The following ITSN2 variants were observed in gnomAD, a reference collection of about 807,000 sequenced individuals.
ITSN2 encodes intersectin 2.
Under a neutral mutation model 243.7 loss-of-function variants are expected in ITSN2, and 156 were observed. The ratio of observed to expected loss-of-function variants is 0.64; its 90% confidence interval spans 0.56 to 0.73. ITSN2 has a LOEUF of 0.73. ITSN2 is among the 30% of genes least tolerant of loss of function. ITSN2 has a pLI of 0.00. For synonymous variants in ITSN2, 703 were observed against 699.9 expected, an observed-to-expected ratio of 1.00 and a Z score of -0.07; for missense variants, 1,801 against 1,996.1, an observed-to-expected ratio of 0.90 and a Z score of 1.86.
At chr2:24,279,724 T>A (rs1678509761) in intron 17 of ITSN2, among the ~76,000 whole-genome samples, 1 of 148,948 alleles carries the variant, frequency 6.7e-6, no homozygotes, top group African/African-American at 2.5e-5. Context: ...TGTGTGAATT[T>A]TCTTTTTTTT....
intron 2 of ITSN2, among the ~76,000 whole-genome samples, chr2:24,315,610 G>C (rs1683813964): frequency 6.6e-6 from 1 of 152,196 alleles, no homozygotes. Context: ...GTCCCCACCA[G>C]AACCTCATTT....
chr2:24,295,384 G>A (rs1413523038), intron 14 of ITSN2, among the ~76,000 whole-genome samples: 1 of 152,214 alleles, frequency 6.6e-6, no homozygotes, highest in Non-Finnish European at 1.5e-5. Flanking sequence ...TGGGTTCACT[G>A]CAACCTCTGC....
chr2:24,237,127 A>C (rs1265457956), intron 29 of ITSN2, among the ~76,000 whole-genome samples: 1 of 152,142 alleles, frequency 6.6e-6, no homozygotes, highest in Non-Finnish European at 1.5e-5. Flanking sequence ...TCTACCGCTT[A>C]CTAGCAGGTT....
In ITSN2 at chr2:24,310,376, C is replaced by G. The variant is rs1037001179; in HGVS notation, c.561G>C (p.Leu187Phe). ...PLPIPYSSST[L>F]PHGSSYSLMM... is the part of the protein sequence containing the mutation. ...TCAGACTATAAGATGACCCATGAGG[C>G]AATGCTAAAAAAGAAAAAGAAGGAA... The change falls in exon 7 of 40, where the codon TTG (leucine) becomes TTC (phenylalanine). Residue 187 changes from leucine (L) to phenylalanine (F), a missense_variant. This residue lies in a region of ITSN2 where 787 missense variants were observed against 803.9 expected (regional missense o/e 0.98). Transcript: ENST00000355123. 3 of 1,612,548 alleles carry G rather than the reference C, an allele frequency of 1.9e-6. No individual in the cohort carries two copies. The highest frequency in any genetic ancestry group is 2.5e-6 in the Non-Finnish European group (3 of 1,179,426).
At position 24,208,260 on chromosome 2, in the gene ITSN2, T is replaced by C. The variant is rs1362258968; in HGVS notation, c.4655A>G (p.Lys1552Arg). The C allele has an allele frequency of 6.2e-7, 1 of 1,612,570 alleles. No homozygotes were observed. The highest frequency in any genetic ancestry group is 1.1e-5 in the South Asian group (1 of 91,072). The change falls in exon 37 of 40, where the codon AAG becomes AGG. Residue 1552 changes from lysine to arginine, a missense_variant. This residue lies in a region of ITSN2 where 928 missense variants were observed against 1,065.4 expected (regional missense o/e 0.87). Transcript: ENST00000355123. ...ASEQYIDTEK[K>R]KREKAYQARS... ...ACCTTGGTAAGCTTTCTCACGCTTC[T>C]TCTTCTCGGTGTCGATGTACTGCTC...
chr2:24,350,621 A>G (rs1251560024), intron 1 of ITSN2, among the ~76,000 whole-genome samples: 1 of 152,250 alleles, frequency 6.6e-6, no homozygotes, highest in African/African-American at 2.4e-5. Flanking sequence ...AACAATAAAC[A>G]AAATGTGGTA....
intron 1 of ITSN2, 84 bp from the exon 2 acceptor site, chr2:24,328,199 T>C: frequency 2.2e-6 from 2 of 922,184 alleles, no homozygotes; most frequent in Non-Finnish European, 3.5e-6. Context: ...TAGGAATGTC[T>C]GTCCCCTTCA....
intron 20 of ITSN2, among the ~76,000 whole-genome samples, chr2:24,262,389 CT>C (rs1248914956): frequency 6.6e-6 from 1 of 151,984 alleles, no homozygotes; most frequent in Non-Finnish European, 1.5e-5. Flanking sequence ...TTTTCTGTTC[CT>C]GTTACACAGT....
chr2:24,224,350 G>T (rs1236438038), intron 29 of ITSN2, among the ~76,000 whole-genome samples: 3 of 152,168 alleles, frequency 2.0e-5, no homozygotes, highest in Non-Finnish European at 4.4e-5. Context: ...AATCATTAAA[G>T]CAAATATATA....
chr2:24,295,409 C>T (rs549286597), intron 14 of ITSN2, among the ~76,000 whole-genome samples: 2 of 152,302 alleles, frequency 1.3e-5, no homozygotes, highest in African/African-American at 4.8e-5. Flanking sequence ...CGGAATCAAG[C>T]GATTCTCCTG....
intron 1 of ITSN2, among the ~76,000 whole-genome samples, chr2:24,357,866 C>G (rs916124196): frequency 2.6e-5 from 4 of 152,176 alleles, no homozygotes; most frequent in Admixed American, 2.0e-4. Context: ...TATGTACTTT[C>G]ACTCATTCAC....
At chr2:24,334,657 T>C (rs907148044) in intron 1 of ITSN2, 108 of 1,462,440 alleles carry the variant, frequency 7.4e-5, no homozygotes, top group Non-Finnish European at 9.9e-5. Context: ...GTGGTTATGG[T>C]GGGCAAACTA....
intron 22 of ITSN2, among the ~76,000 whole-genome samples, chr2:24,260,827 C>A (rs1675748005): frequency 6.9e-6 from 1 of 145,904 alleles, no homozygotes; most frequent in Non-Finnish European, 1.5e-5. Context: ...TCTCTTCAAC[C>A]AGGGAGCCGG....
At chr2:24,209,792 G>C in intron 35 of ITSN2, 26 bp downstream of exon 35, 1 of 1,583,532 alleles carries the variant, frequency 6.3e-7, no homozygotes. Context: ...GGCCCCTGAT[G>C]CTACCCCCAG....
chr2:24,340,142 T>C (rs970761192), intron 1 of ITSN2, among the ~76,000 whole-genome samples: 2 of 152,168 alleles, frequency 1.3e-5, no homozygotes, highest in African/African-American at 4.8e-5. Flanking sequence ...TTTTGGACAT[T>C]GCTGTGCAAG....
chr2:24,294,625 C>G (rs933870306), intron 14 of ITSN2, among the ~76,000 whole-genome samples: 1 of 152,104 alleles, frequency 6.6e-6, no homozygotes, highest in Non-Finnish European at 1.5e-5. Flanking sequence ...CCAGACCCTA[C>G]TGCACAAGTA....
chr2:24,330,156 A>C (rs2151850392), intron 1 of ITSN2, among the ~76,000 whole-genome samples: 1 of 152,366 alleles, frequency 6.6e-6, no homozygotes, highest in African/African-American at 2.4e-5. Context: ...CTAACAACAG[A>C]AAAACCAACG....
intron 2 of ITSN2, chr2:24,326,607 T>C (rs564824087): frequency 2.4e-5 from 4 of 169,136 alleles, no homozygotes; most frequent in African/African-American, 7.2e-5. Flanking sequence ...AAATTGTCTG[T>C]GGCATCAATG....
chr2:24,351,023 T>A (rs1687976240), intron 1 of ITSN2, among the ~76,000 whole-genome samples: 1 of 152,210 alleles, frequency 6.6e-6, no homozygotes, highest in Admixed American at 6.5e-5. Flanking sequence ...TAAAGCTGTT[T>A]TTAAAAAATC....
Sources: allele counts gnomAD v4.1 joint callset (sites outside exome capture counted in the v4.1 genomes callset), GRCh38; gene constraint gnomAD v4.1.1; regional missense constraint gnomAD v4.1.1; transcripts MANE v1.5; gene names NCBI Gene and HGNC (gene_info 2026-07-23, HGNC 2026-07-21).